Variants in GPR180 observed in about 807,000 individuals in gnomAD.
GPR180 encodes the protein integral membrane protein GPR180.
In GPR180, 53 loss-of-function variants were observed where a neutral mutation model predicts 52.6. That is an observed-to-expected ratio of 1.01 (90% CI 0.81 to 1.27). The LOEUF (loss-of-function observed/expected upper bound fraction) is 1.27. Among genes scored for constraint, GPR180 ranks in the 50% most tolerant of loss-of-function variants. GPR180 has a pLI of 0.00. For synonymous variants in GPR180, 200 were observed against 193.1 expected, an observed-to-expected ratio of 1.04 and a Z score of -0.30; for missense variants, 533 against 527.0, an observed-to-expected ratio of 1.01 and a Z score of -0.11.
At chr13:94,614,252 G>A (rs1889749038) in intron 3 of GPR180, among the ~76,000 whole-genome samples, 1 of 152,208 alleles carries the variant, frequency 6.6e-6, no homozygotes, top group African/African-American at 2.4e-5. Flanking sequence ...AGGAAGTAAT[G>A]TTCTGCTGCA....
At chr13:94,626,507 G>A (rs1889929775) in intron 8 of GPR180, among the ~76,000 whole-genome samples, 1 of 152,108 alleles carries the variant, frequency 6.6e-6, no homozygotes, top group South Asian at 2.1e-4. Context: ...AGGTCTGCCA[G>A]GAGCCCTTTA....
chr13:94,611,848 G>GC (rs1175828752), intron 2 of GPR180, among the ~76,000 whole-genome samples: 2 of 151,116 alleles, frequency 1.3e-5, no homozygotes, highest in East Asian at 1.9e-4. Context: ...GACAGAGGAG[G>GC]CCCCTCCCAT....
chr13:94,613,867 C>CTT (rs770192473), intron 3 of GPR180, among the ~76,000 whole-genome samples: 2 of 133,850 alleles, frequency 1.5e-5, no homozygotes, highest in East Asian at 2.2e-4. Context: ...TCCTCAGGTC[C>CTT]TTTTTTTTTT....
intron 2 of GPR180, among the ~76,000 whole-genome samples, chr13:94,606,892 T>C (rs1238111336): frequency 2.0e-5 from 3 of 152,250 alleles, no homozygotes; most frequent in Non-Finnish European, 4.4e-5. Flanking sequence ...TCAAAACTTA[T>C]CTGGGAAATA....
At chr13:94,614,557 C>T (rs529125042) in intron 3 of GPR180, among the ~76,000 whole-genome samples, 37 of 152,328 alleles carry the variant, frequency 2.4e-4, no homozygotes, top group Admixed American at 6.5e-4. Flanking sequence ...CATACCTTGC[C>T]TTGTCCTGAA....
At chr13:94,624,613 A>C (rs138173803) in intron 7 of GPR180, among the ~76,000 whole-genome samples, 1 of 152,260 alleles carries the variant, frequency 6.6e-6, no homozygotes, top group Non-Finnish European at 1.5e-5. Flanking sequence ...GCTGGAGTGC[A>C]GTGGCGTGAT....
chr13:94,601,886 G>T lies in GPR180; in HGVS notation c.-42G>T. On this transcript the variant is annotated 5_prime_UTR_variant, in exon 1 of 9. Coordinates refer to ENST00000376958, the MANE Select transcript of GPR180 (RefSeq NM_180989.6). The stretch of plus-strand genomic sequence containing the variant: ...GCCGACGTGGGGCGGGCAGCCGCCG[G>T]CGGCTGGGAGCCGAGGCGTCGGTGC... 7.4e-7 allele frequency: 1 copy of T among 1,345,430 alleles called. No individual in the cohort carries two copies. The allele number at this position is 1,345,430 out of a possible 1,614,324, so 83.3% of individuals were successfully genotyped here.
chr13:94,623,247 A>G lies in GPR180; in HGVS notation c.1033A>G (p.Ile345Val). Reference protein sequence around the residue: ...LSLGCGLYQIITVERSTLKRE... With the variant: ...LSLGCGLYQIVTVERSTLKRE... ...ATTAGGCTGTGGACTCTATCAGATC[A>G]TCACAGTGGAGAGAAGTACACTCAA... The change falls in exon 7 of 9, where the codon ATC becomes GTC. Residue 345 changes from isoleucine to valine, a missense_variant. Transcript: ENST00000376958. 4.3e-6 allele frequency: 7 copies of G among 1,614,100 alleles called. No homozygotes were observed. Among genetic ancestry groups the G allele is most frequent in the Non-Finnish European group, 5.9e-6 (7 of 1,179,968 alleles).
chr13:94,611,432 T>C (rs942615239), intron 2 of GPR180, among the ~76,000 whole-genome samples: 3 of 152,228 alleles, frequency 2.0e-5, no homozygotes, highest in Non-Finnish European at 4.4e-5. Context: ...TGCCATAGAC[T>C]GTACACTTAA....
At chr13:94,609,633 A>G (rs919107151) in intron 2 of GPR180, among the ~76,000 whole-genome samples, 1 of 152,180 alleles carries the variant, frequency 6.6e-6, no homozygotes. Context: ...CAAATTGCAC[A>G]TTTAAACAGT....
chr13:94,608,086 C>T (rs1311199492), intron 2 of GPR180, among the ~76,000 whole-genome samples: 1 of 152,166 alleles, frequency 6.6e-6, no homozygotes, highest in Non-Finnish European at 1.5e-5. Context: ...CACTTAAAAA[C>T]CTCATTTTCG....
chr13:94,621,671 A>G (rs1339004587), intron 6 of GPR180, among the ~76,000 whole-genome samples: 1 of 152,210 alleles, frequency 6.6e-6, no homozygotes, highest in Admixed American at 6.5e-5. Flanking sequence ...CTTTGTACGT[A>G]AAAGAATTCA....
chr13:94,611,804 C>T (rs995249809), intron 2 of GPR180, among the ~76,000 whole-genome samples: 14 of 151,860 alleles, frequency 9.2e-5, no homozygotes, highest in African/African-American at 3.4e-4. Flanking sequence ...AGAGCTCCAG[C>T]TTGGAGTGGC....
Position 94,602,003 on chromosome 13 carries a change from C to T in GPR180, c.76C>T (p.Arg26Trp). 1 of 1,475,484 alleles carries T rather than the reference C, an allele frequency of 6.8e-7. No individual in the cohort carries two copies. The allele number at this position is 1,475,484 out of a possible 1,614,324, so 91.4% of individuals were successfully genotyped here. A position where few individuals can be genotyped will look rare whatever the true frequency, so the allele number is the denominator to read the frequency against. The part of the protein sequence containing the change: ...WPQGSQGKTL[R>W]GSFSSTAAQD... ...GCAGGGCAGCCAGGGTAAGACCCTG[C>T]GGGGCAGCTTCAGCAGCACCGCGGC... Residue 26 changes from arginine (R) to tryptophan (W), a missense_variant, in exon 1 of 9, where the codon CGG (arginine) becomes TGG (tryptophan). Transcript: ENST00000376958.
At position 94,608,777 on chromosome 13, in the gene GPR180, C is replaced by G. The variant is rs1273557042; in HGVS notation, c.304+3228C>G. Among the ~76,000 whole-genome samples, 3 of 152,152 alleles carry G rather than the reference C, an allele frequency of 2.0e-5. No homozygotes were observed. The East Asian group carries it at 5.8e-4, about 29-fold the overall frequency. On this transcript the variant is annotated intron_variant, in intron 2 of 8. Coordinates refer to ENST00000376958, the MANE Select transcript of GPR180 (RefSeq NM_180989.6). ...CCTTTCACCTATTTGGTAATGAACT[C>G]AGTAACTCTGCCCAGCTCCTACGTA...
intron 3 of GPR180, among the ~76,000 whole-genome samples, chr13:94,618,420 A>ATTTTTTTTTTTTTTTTTGT (rs1889806852): frequency 1.1e-5 from 1 of 87,156 alleles, no homozygotes; most frequent in African/African-American, 6.3e-5. Context: ...TCAGCACAGG[A>ATTTTTTTTTTTTTTTTTGT]TTTTTTTTTT....
At chr13:94,619,938 C>T (rs963993643) in intron 5 of GPR180, among the ~76,000 whole-genome samples, 2 of 152,074 alleles carry the variant, frequency 1.3e-5, no homozygotes, top group African/African-American at 2.4e-5. Flanking sequence ...CCCAGGCTGG[C>T]CTTATACTCT....
At chr13:94,625,869 A>T in intron 7 of GPR180, 97 bp from the exon 8 acceptor site, 1 of 738,900 alleles carries the variant, frequency 1.4e-6, no homozygotes, top group Non-Finnish European at 2.3e-6. Context: ...TGTTGAGGTT[A>T]ATCAGAACCT....
intron 3 of GPR180, among the ~76,000 whole-genome samples, chr13:94,617,759 A>G (rs1245079190): frequency 1.3e-5 from 2 of 152,192 alleles, no homozygotes; most frequent in Admixed American, 6.5e-5. Context: ...ATGGGAAACT[A>G]GAGCAGGCTT....
Sources: allele counts gnomAD v4.1 joint callset (sites outside exome capture counted in the v4.1 genomes callset), GRCh38; gene constraint gnomAD v4.1.1; transcripts MANE v1.5; gene names NCBI Gene and HGNC (gene_info 2026-07-23, HGNC 2026-07-21).